DPP10: variants seen among roughly 807,000 people sequenced by gnomAD.
DPP10 encodes the protein inactive dipeptidyl peptidase 10.
In DPP10, 33 loss-of-function variants were observed where a neutral mutation model predicts 120.9. That is an observed-to-expected ratio of 0.27 (90% CI 0.21 to 0.37). DPP10 has a LOEUF of 0.37. DPP10 is among the 10% of genes least tolerant of loss of function. DPP10 has a pLI of 1.00. For synonymous variants in DPP10, 337 were observed against 326.1 expected, an observed-to-expected ratio of 1.03 and a Z score of -0.36; for missense variants, 816 against 942.8, an observed-to-expected ratio of 0.87 and a Z score of 1.76.
Position 115,744,830 on chromosome 2 carries a change from A to C in DPP10, c.853-1256A>C. Among the ~76,000 whole-genome samples the C allele has an allele frequency of 1.3e-5, 2 of 150,170 alleles. 1 individual carries two copies. Among genetic ancestry groups the C allele is most frequent in the Non-Finnish European group, 2.9e-5 (2 of 67,806 alleles). On this transcript the variant is annotated intron_variant, in intron 9 of 25. Transcript: ENST00000410059. ...TTTTTAAATCAGTTTTATTCCCTTT[A>C]GGTTGTTTATTGGATTTTTTAATTC...
intron 1 of DPP10, among the ~76,000 whole-genome samples, chr2:114,492,465 AAAAGT>A (rs1442077663): frequency 6.6e-6 from 1 of 152,178 alleles, no homozygotes; most frequent in African/African-American, 2.4e-5. Context: ...AAAAATAAAT[AAAAGT>A]AAGGACAAAC....
chr2:115,164,351 G>T lies in DPP10; in HGVS notation c.61-144888G>T, dbSNP rs151307226. 9.9e-5 allele frequency among the ~76,000 whole-genome samples: 15 copies of T among 151,676 alleles called. No homozygotes were observed. In the East Asian group the frequency reaches 2.7e-3, roughly 27 times the overall value. On this transcript the variant is annotated intron_variant, in intron 1 of 25. Transcript: ENST00000410059. ...TTTATTAGCCATATTAGTCATTATG[G>T]TTTAATTCTGCAATTGCCACACAAC...
At chr2:115,718,673 G>A (rs2092567071) in intron 7 of DPP10, among the ~76,000 whole-genome samples, 1 of 151,822 alleles carries the variant, frequency 6.6e-6, no homozygotes, top group Non-Finnish European at 1.5e-5. Flanking sequence ...ATTTGTGTAT[G>A]GTTTTAATGA....
At chr2:115,214,470 G>C (rs531210447) in intron 1 of DPP10, among the ~76,000 whole-genome samples, 52 of 152,088 alleles carry the variant, frequency 3.4e-4, no homozygotes, top group Non-Finnish European at 6.9e-4. Flanking sequence ...ATCAACCGAG[G>C]TGATGTTAAG....
chr2:114,627,937 G>C (rs1694637005), intron 1 of DPP10, among the ~76,000 whole-genome samples: 1 of 152,248 alleles, frequency 6.6e-6, no homozygotes, highest in South Asian at 2.1e-4. Flanking sequence ...AGACAGTCAA[G>C]GTTGTGTGAA....
chr2:114,963,675 G>A (rs925473312), intron 1 of DPP10, among the ~76,000 whole-genome samples: 4 of 152,144 alleles, frequency 2.6e-5, no homozygotes, highest in East Asian at 3.9e-4. Context: ...TGTCACCATG[G>A]TGGTCTCAGC....
chr2:114,744,759 A>T (rs187145600), intron 1 of DPP10, among the ~76,000 whole-genome samples: 146 of 152,196 alleles, frequency 9.6e-4, no homozygotes, highest in African/African-American at 3.4e-3. Context: ...ATATGGCCAC[A>T]ATGCCTAATT....
chr2:114,544,860 T>A (rs922565290), intron 1 of DPP10, among the ~76,000 whole-genome samples: 10 of 140,242 alleles, frequency 7.1e-5, no homozygotes, highest in African/African-American at 3.0e-4. Context: ...ATATATTAAA[T>A]TTTTTTTTTT....
chr2:115,322,816 G>A (rs2062132830), intron 2 of DPP10, among the ~76,000 whole-genome samples: 1 of 152,070 alleles, frequency 6.6e-6, no homozygotes, highest in Admixed American at 6.5e-5. Context: ...AGTTTATTAA[G>A]TGTGCAATCG....
In DPP10 at chr2:114,967,358, A is replaced by G. The variant is rs1254999533; in HGVS notation, c.61-341881A>G. Among the ~76,000 whole-genome samples the G allele has an allele frequency of 4.6e-5, 7 of 152,144 alleles. No homozygotes were observed. The East Asian group carries it at 1.3e-3, about 29-fold the overall frequency. Reference sequence around the variant, plus strand: ...TCTGTGGAAGCAGGAAGGCCAGCAGAGTTTGTGGACACAGATGGATTTTTG... The same window carrying G: ...TCTGTGGAAGCAGGAAGGCCAGCAGGGTTTGTGGACACAGATGGATTTTTG... On this transcript the variant is annotated intron_variant, in intron 1 of 25. Coordinates refer to ENST00000410059, the MANE Select transcript of DPP10 (RefSeq NM_020868.6).
intron 3 of DPP10, among the ~76,000 whole-genome samples, chr2:115,484,623 T>A (rs1041694985): frequency 6.6e-5 from 10 of 152,130 alleles, no homozygotes; most frequent in African/African-American, 9.7e-5. Context: ...TATAGTCATT[T>A]TTTGATCATG....
At chr2:115,445,988 G>T (rs1045491802) in intron 3 of DPP10, among the ~76,000 whole-genome samples, 1 of 152,092 alleles carries the variant, frequency 6.6e-6, no homozygotes. Context: ...GTCTAGGAGG[G>T]AAAAATGGTT....
chr2:114,695,519 A>G (rs1189477056), intron 1 of DPP10, among the ~76,000 whole-genome samples: 2 of 152,084 alleles, frequency 1.3e-5, no homozygotes, highest in Non-Finnish European at 2.9e-5. Flanking sequence ...AAGAGAAAAA[A>G]TATCCCTGAG....
At position 115,689,756 on chromosome 2, in the gene DPP10, T is replaced by G. The variant is rs889774414; in HGVS notation, c.494+17T>G. On this transcript the variant is annotated intron_variant, in intron 6 of 25. Coordinates refer to ENST00000410059, the MANE Select transcript of DPP10 (RefSeq NM_020868.6). ...ACACACTAGGTAAGTTCTTTGATTT[T>G]CTAGTTTTCATGAGCAATTGTGTTA... The G allele has an allele frequency of 6.2e-7, 1 of 1,605,966 alleles. No individual in the cohort carries two copies. The highest frequency in any genetic ancestry group is 8.5e-7 in the Non-Finnish European group (1 of 1,173,890).
At chr2:115,214,075 G>A (rs1021843742) in intron 1 of DPP10, among the ~76,000 whole-genome samples, 9 of 152,254 alleles carry the variant, frequency 5.9e-5, no homozygotes, top group African/African-American at 1.9e-4. Flanking sequence ...CAAGCCTTTC[G>A]TGGGTTGGGG....
chr2:114,812,636 AC>A (rs1685279806), intron 1 of DPP10, among the ~76,000 whole-genome samples: 2 of 148,208 alleles, frequency 1.3e-5, no homozygotes, highest in African/African-American at 2.5e-5. Flanking sequence ...TTAAAAAAAA[AC>A]GAGCAGTATC....
At chr2:115,385,140 C>T (rs2066823704) in intron 3 of DPP10, among the ~76,000 whole-genome samples, 2 of 152,170 alleles carry the variant, frequency 1.3e-5, no homozygotes, top group Non-Finnish European at 2.9e-5. Flanking sequence ...ATGTCTTTAT[C>T]AGCAACATGA....
At chr2:115,814,726 T>G (rs1047843112) in intron 19 of DPP10, 67 bp from the exon 20 acceptor site, 7 of 1,328,096 alleles carry the variant, frequency 5.3e-6, no homozygotes, top group Non-Finnish European at 7.1e-6. Context: ...CTTGTGAGTA[T>G]GAAAGGTAAA....
intron 19 of DPP10, among the ~76,000 whole-genome samples, chr2:115,803,727 A>G (rs1293832499): frequency 6.6e-6 from 1 of 152,112 alleles, no homozygotes; most frequent in Admixed American, 6.6e-5. Flanking sequence ...TGGGTTGAAA[A>G]TGCTTTTCTT....
Sources: gnomAD v4.1 joint callset for allele counts (sites outside exome capture counted in the v4.1 genomes callset) on GRCh38, gnomAD v4.1.1 for gene constraint, MANE v1.5 for transcripts, NCBI Gene and HGNC (gene_info 2026-07-23, HGNC 2026-07-21) for gene names.